Variants in GAREM1 observed in about 807,000 individuals in gnomAD.
The protein encoded by GAREM1 is GRB2 associated regulator of MAPK1 subtype 1, also known as GRB2-associated and regulator of MAPK protein 1.
A neutral mutation model predicts 71.3 loss-of-function variants in GAREM1; 26 were observed. The ratio of observed to expected loss-of-function variants is 0.36; its 90% CI spans 0.27 to 0.51. The LOEUF (loss-of-function observed/expected upper bound fraction) is 0.51. Among genes scored for constraint, GAREM1 ranks in the 20% least tolerant of loss-of-function variants. GAREM1 has a pLI of 0.95. For synonymous variants in GAREM1, 440 were observed against 433.2 expected (o/e 1.02, Z -0.20); for missense variants, 1,026 against 1,103.1 (o/e 0.93, Z 0.99).
chr18:32,349,924 T>C (rs2047731149), intron 2 of GAREM1, among the ~76,000 whole-genome samples: 1 of 152,314 alleles, frequency 6.6e-6, no homozygotes, highest in Middle Eastern at 3.4e-3. Flanking sequence ...GAACACAGCA[T>C]GAGAAATGTG....
At position 32,398,721 on chromosome 18, in the gene GAREM1, T is replaced by C. The variant is rs993012668; in HGVS notation, c.122-5686A>G. Among the ~76,000 whole-genome samples the C allele has an allele frequency of 7.5e-4, 114 of 152,170 alleles. No individual in the cohort carries two copies. In the Middle Eastern group the frequency reaches 0.014, roughly 18 times the overall value. ...GTCCAGGACCAGATGGATTCACAGC[T>C]GAATTCTACCAGAGGTACAAGGAGG... On this transcript the variant is annotated intron_variant, in intron 1 of 5. Transcript: ENST00000269209.
At chr18:32,395,242 A>G (rs1599016427) in intron 1 of GAREM1, among the ~76,000 whole-genome samples, 1 of 152,172 alleles carries the variant, frequency 6.6e-6, no homozygotes, top group African/African-American at 2.4e-5. Context: ...ATCCAAAGAA[A>G]GGGGAAAAAC....
intron 4 of GAREM1, among the ~76,000 whole-genome samples, chr18:32,285,660 C>T (rs1364029688): frequency 6.6e-6 from 1 of 152,214 alleles, no homozygotes; most frequent in Non-Finnish European, 1.5e-5. Context: ...TTCTCTGTCT[C>T]TTCTGAATTC....
rs536816088 is a variant in GAREM1 at position 32,459,005 on chromosome 18, A to G, written c.121+11303T>C. On this transcript the variant is annotated intron_variant, in intron 1 of 5. Transcript: ENST00000269209. ...CAAAAACAGGACACTCAAAACAACTAATGTCTCGCAACAGTCAAATAAATA... is the reference window on the plus strand; with the variant it reads ...CAAAAACAGGACACTCAAAACAACTGATGTCTCGCAACAGTCAAATAAATA... 3.3e-5 allele frequency among the ~76,000 whole-genome samples: 5 copies of G among 152,202 alleles called. No homozygotes were observed. The South Asian group carries it at 8.3e-4, about 25-fold the overall frequency.
At chr18:32,310,051 T>C (rs1598950520) in intron 3 of GAREM1, 142 bp downstream of exon 3, 1 of 735,840 alleles carries the variant, frequency 1.4e-6, no homozygotes, top group Non-Finnish European at 2.2e-6. Context: ...CTACAATATA[T>C]GTGGTTTTGG....
intron 1 of GAREM1, among the ~76,000 whole-genome samples, chr18:32,396,529 T>C (rs868792337): frequency 1.3e-5 from 2 of 152,240 alleles, no homozygotes; most frequent in Non-Finnish European, 1.5e-5. Flanking sequence ...CAGTAGCCGA[T>C]GCGATCAACT....
chr18:32,331,300 T>C (rs1454742321), intron 2 of GAREM1, among the ~76,000 whole-genome samples: 1 of 152,220 alleles, frequency 6.6e-6, no homozygotes, highest in East Asian at 1.9e-4. Flanking sequence ...AACATTTCTC[T>C]ACATATACTA....
At chr18:32,382,429 A>G (rs529581197) in intron 2 of GAREM1, among the ~76,000 whole-genome samples, 5 of 152,080 alleles carry the variant, frequency 3.3e-5, no homozygotes, top group Non-Finnish European at 7.4e-5. Flanking sequence ...TGAGCCCTCC[A>G]AGCAGTAGAC....
intron 3 of GAREM1, among the ~76,000 whole-genome samples, chr18:32,289,801 A>C (rs1376819318): frequency 6.6e-6 from 1 of 152,162 alleles, no homozygotes; most frequent in Non-Finnish European, 1.5e-5. Context: ...TGCCCAGGAC[A>C]GCTCCCCACA....
intron 1 of GAREM1, among the ~76,000 whole-genome samples, chr18:32,402,323 AT>A (rs1375628789): frequency 1.3e-5 from 2 of 152,144 alleles, no homozygotes; most frequent in African/African-American, 4.8e-5. Context: ...TTTGACCTTG[AT>A]CCTTTCAACA....
chr18:32,372,061 G>T (rs771555873), intron 2 of GAREM1, among the ~76,000 whole-genome samples: 8 of 152,184 alleles, frequency 5.3e-5, no homozygotes, highest in South Asian at 2.1e-4. Context: ...GTTAAATGTA[G>T]AAACAGGGTT....
intron 4 of GAREM1, among the ~76,000 whole-genome samples, chr18:32,270,628 C>A (rs987912133): frequency 5.3e-5 from 8 of 152,172 alleles, no homozygotes; most frequent in African/African-American, 1.9e-4. Context: ...TTGGCAAATG[C>A]TGGCTGCTGC....
At chr18:32,414,213 A>G (rs2048446244) in intron 1 of GAREM1, among the ~76,000 whole-genome samples, 2 of 152,178 alleles carry the variant, frequency 1.3e-5, no homozygotes, top group South Asian at 4.1e-4. Flanking sequence ...AGGGATCAGT[A>G]CAGCTTGGCT....
chr18:32,294,077 A>C (rs567968096), intron 3 of GAREM1, among the ~76,000 whole-genome samples: 23 of 152,246 alleles, frequency 1.5e-4, no homozygotes, highest in Non-Finnish European at 2.8e-4. Flanking sequence ...AGTAAATGCA[A>C]TAAAGTACAC....
chr18:32,454,693 A>G (rs899465030), intron 1 of GAREM1, among the ~76,000 whole-genome samples: 1 of 152,220 alleles, frequency 6.6e-6, no homozygotes, highest in Non-Finnish European at 1.5e-5. Context: ...AAAGAACTCT[A>G]AATTCCTTGA....
At position 32,346,826 on chromosome 18, in the gene GAREM1, TGA is replaced by T. The variant is rs556053824; in HGVS notation, c.263-36505_263-36504del. On this transcript the variant is annotated intron_variant, in intron 2 of 5. Transcript: ENST00000269209. ...TGAAAGAATGTTTACAAAGTAGAGT[TGA>T]ACTGCAGGGGAGAACAGGCCTTGCA... Among the ~76,000 whole-genome samples the T allele has an allele frequency of 2.0e-3, 310 of 152,292 alleles. 1 individual carries two copies. Among genetic ancestry groups the T allele is most frequent in the South Asian group, 4.1e-3 (20 of 4,828 alleles).
intron 1 of GAREM1, among the ~76,000 whole-genome samples, chr18:32,421,933 A>C (rs1014778667): frequency 1.3e-5 from 2 of 152,026 alleles, no homozygotes; most frequent in Non-Finnish European, 2.9e-5. Context: ...TAAACCTTAA[A>C]GCTTCTGCCC....
At chr18:32,415,671 A>G (rs2048459621) in intron 1 of GAREM1, among the ~76,000 whole-genome samples, 1 of 152,108 alleles carries the variant, frequency 6.6e-6, no homozygotes, top group South Asian at 2.1e-4. Flanking sequence ...AAAGCTCAAC[A>G]TACCTTTATG....
Position 32,470,173 on chromosome 18 carries a change from C to T in GAREM1, c.121+135G>A, listed in dbSNP as rs2049036980. ...AGCAACGCGCCAGGGCTGCGGCAGC[C>T]GCTCGGGCCAACTCCGGCGCTCAGG... On this transcript the variant is annotated intron_variant, in intron 1 of 5. Coordinates refer to ENST00000269209, the MANE Select transcript of GAREM1 (RefSeq NM_001242409.2). The surrounding 1 kb of genome is among the most constrained non-coding windows in gnomAD (Gnocchi z 4.4). 4 of 1,145,954 alleles carry T rather than the reference C, an allele frequency of 3.5e-6. No individual in the cohort carries two copies. Among genetic ancestry groups the T allele is most frequent in the Non-Finnish European group, 4.5e-6 (4 of 894,520 alleles). The allele number at this position is 1,145,954 out of a possible 1,614,324, so 71.0% of individuals were successfully genotyped here.
Sources: gnomAD v4.1 joint callset for allele counts (sites outside exome capture counted in the v4.1 genomes callset) on GRCh38, gnomAD v4.1.1 for gene constraint, Gnocchi (gnomAD v3.1) non-coding constraint, MANE v1.5 for transcripts, NCBI Gene and HGNC (gene_info 2026-07-23, HGNC 2026-07-21) for gene names.